ABCB1: variants seen among roughly 807,000 people sequenced by gnomAD.
ABCB1 encodes ATP binding cassette subfamily B member 1.
Under a neutral mutation model 142.0 loss-of-function variants are expected in ABCB1, and 69 were observed. That is an observed-to-expected ratio of 0.49 (90% CI 0.40 to 0.59). The LOEUF (loss-of-function observed/expected upper bound fraction) is 0.59. Ranked by LOEUF, ABCB1 falls within the 20% of genes least tolerant of loss-of-function variation. The probability of loss-of-function intolerance (pLI) is 0.00; values close to 1 mark genes in which losing one functional copy is unlikely to be tolerated. For missense variants in ABCB1, 1,326 were observed against 1,554.7 expected (o/e 0.85, Z 2.47); for synonymous variants, 532 against 539.2 (o/e 0.99, Z 0.18).
chr7:87,712,970 G>A (rs1486319305), intron 1 of ABCB1, among the ~76,000 whole-genome samples: 1 of 151,968 alleles, frequency 6.6e-6, no homozygotes, highest in African/African-American at 2.4e-5. Context: ...TATCTTAGAA[G>A]TTAACTAAAA....
At chr7:87,638,471 G>A (rs779470444) in intron 1 of ABCB1, among the ~76,000 whole-genome samples, 71 of 151,700 alleles carry the variant, frequency 4.7e-4, no homozygotes, top group Non-Finnish European at 8.1e-4. Context: ...AATGTGAACC[G>A]CAAATTGTCT....
At position 87,622,821 on chromosome 7, in the gene ABCB1, G is replaced by A. The variant is rs55789004; in HGVS notation, c.-330-21743C>T. On this transcript the variant is annotated intron_variant, in intron 1 of 28. Coordinates refer to the ABCB1 transcript ENST00000265724. ...CAAGAAGGGAGGATCGCATGAGACCGGGAGTTCATGAGCAATCTGGGCAAC... is the reference window on the plus strand; with the variant it reads ...CAAGAAGGGAGGATCGCATGAGACCAGGAGTTCATGAGCAATCTGGGCAAC... 7.8e-3 allele frequency among the ~76,000 whole-genome samples: 1,191 copies of A among 152,006 alleles called. 20 individuals are homozygous for A. Among genetic ancestry groups the A allele is most frequent in the African/African-American group, 0.027 (1,114 of 41,454 alleles).
At chr7:87,536,381 G>T in intron 20 of ABCB1, 77 bp downstream of exon 20, 7 of 1,311,004 alleles carry the variant, frequency 5.3e-6, no homozygotes, top group Non-Finnish European at 7.7e-6. Context: ...ACTAACACCC[G>T]TAAGGAGAAA....
chr7:87,675,937 C>T lies in ABCB1; in HGVS notation c.-331+37224G>A, dbSNP rs966664053. On this transcript the variant is annotated intron_variant, in intron 1 of 28. Transcript: ENST00000265724. ...CGACATTAAACTGAGAAGTTTCAAG[C>T]CAAGTGTAGTGGCTCATACCTGTAA... Among the ~76,000 whole-genome samples, 10 of 152,140 alleles carry T rather than the reference C, an allele frequency of 6.6e-5. 1 individual carries two copies. The highest frequency in any genetic ancestry group is 3.3e-4 in the Admixed American group (5 of 15,266).
chr7:87,695,939 A>G (rs1244898746), intron 1 of ABCB1, among the ~76,000 whole-genome samples: 1 of 152,106 alleles, frequency 6.6e-6, no homozygotes, highest in Non-Finnish European at 1.5e-5. Flanking sequence ...TTAGGTCCTA[A>G]AGATGAGGCA....
At chr7:87,659,266 T>C (rs910483223) in intron 1 of ABCB1, 2 of 417,458 alleles carry the variant, frequency 4.8e-6, no homozygotes. Context: ...TTTAGTTTTC[T>C]GTTTGTTCCC....
chr7:87,539,880 A>G (rs77202301), intron 18 of ABCB1, among the ~76,000 whole-genome samples: 5 of 152,192 alleles, frequency 3.3e-5, no homozygotes, highest in African/African-American at 1.2e-4. Flanking sequence ...CAAATCGTCA[A>G]CATTTAAGGG....
chr7:87,642,290 TCTA>T (rs932149817), intron 1 of ABCB1, among the ~76,000 whole-genome samples: 2 of 152,062 alleles, frequency 1.3e-5, no homozygotes, highest in African/African-American at 4.8e-5. Context: ...TTCGTAGCAT[TCTA>T]GTGTTGATAA....
At chr7:87,533,835 T>A (rs542267241) in intron 20 of ABCB1, among the ~76,000 whole-genome samples, 3 of 152,194 alleles carry the variant, frequency 2.0e-5, no homozygotes, top group African/African-American at 7.2e-5. Flanking sequence ...AGGTTGACAA[T>A]GTTTGCCAAC....
intron 20 of ABCB1, among the ~76,000 whole-genome samples, chr7:87,534,747 T>C (rs1174448469): frequency 1.3e-5 from 2 of 151,786 alleles, no homozygotes; most frequent in Non-Finnish European, 2.9e-5. Context: ...AGACCCTGTC[T>C]CTACAAAAAA....
intron 1 of ABCB1, among the ~76,000 whole-genome samples, chr7:87,667,170 G>T (rs1825340626): frequency 6.6e-6 from 1 of 152,024 alleles, no homozygotes; most frequent in Non-Finnish European, 1.5e-5. Flanking sequence ...TTTGAGCAGG[G>T]TTTTGTAATT....
intron 1 of ABCB1, among the ~76,000 whole-genome samples, chr7:87,656,293 CAGTTATA>C (rs1824094597): frequency 6.6e-6 from 1 of 151,354 alleles, no homozygotes; most frequent in Non-Finnish European, 1.5e-5. Context: ...AAAATTAATA[CAGTTATA>C]AGTTTATTCA....
chr7:87,636,894 G>A (rs1360262439), intron 1 of ABCB1, among the ~76,000 whole-genome samples: 1 of 152,168 alleles, frequency 6.6e-6, no homozygotes, highest in Non-Finnish European at 1.5e-5. Context: ...GGTCTGCAGG[G>A]CTGGGGAGGC....
intron 22 of ABCB1, among the ~76,000 whole-genome samples, chr7:87,520,363 G>T (rs984994844): frequency 6.6e-6 from 1 of 152,130 alleles, no homozygotes; most frequent in East Asian, 1.9e-4. Context: ...AAGGAAGAAG[G>T]TCTGCACTGG....
intron 7 of ABCB1, chr7:87,563,343 T>C (rs779433411): frequency 1.5e-5 from 7 of 455,116 alleles, no homozygotes; most frequent in South Asian, 9.3e-5. Flanking sequence ...TACCAAAACC[T>C]GGCAGAGATA....
At chr7:87,626,521 T>TCA (rs1820590029) in intron 1 of ABCB1, among the ~76,000 whole-genome samples, 1 of 16,408 alleles carries the variant, frequency 6.1e-5, no homozygotes, top group Admixed American at 8.3e-4. Context: ...TATATATGTG[T>TCA]CATATATATG....
intron 4 of ABCB1, among the ~76,000 whole-genome samples, chr7:87,571,303 T>C (rs1369778308): frequency 6.6e-6 from 1 of 152,148 alleles, no homozygotes; most frequent in East Asian, 1.9e-4. Flanking sequence ...GCTGGAAAGA[T>C]AATCTGGGTC....
At chr7:87,667,398 T>G (rs899362665) in intron 1 of ABCB1, among the ~76,000 whole-genome samples, 5 of 147,394 alleles carry the variant, frequency 3.4e-5, no homozygotes, top group Non-Finnish European at 6.0e-5. Context: ...CAAGACTATG[T>G]TTTTTTTTTT....
intron 1 of ABCB1, among the ~76,000 whole-genome samples, chr7:87,688,154 G>A (rs146119078): frequency 6.6e-6 from 1 of 152,064 alleles, no homozygotes; most frequent in Non-Finnish European, 1.5e-5. Context: ...GGAAATTCAG[G>A]AAAGGTGAAG....
Sources: gnomAD v4.1 joint callset for allele counts (sites outside exome capture counted in the v4.1 genomes callset) on GRCh38, gnomAD v4.1.1 for gene constraint, MANE v1.5 for transcripts, NCBI Gene and HGNC (gene_info 2026-07-23, HGNC 2026-07-21) for gene names.